SASH1: variants seen among roughly 807,000 people sequenced by gnomAD.
SASH1 encodes the protein SAM and SH3 domain containing 1, also known as SAM and SH3 domain-containing protein 1.
SASH1 carries 44 observed loss-of-function variants against 125.2 expected under a neutral mutation model. The observed-to-expected ratio is 0.35, with a 90% confidence interval of 0.28 to 0.45. SASH1 has a LOEUF of 0.45. Among genes scored for constraint, SASH1 ranks in the 20% least tolerant of loss-of-function variants. The pLI is 1.00. For missense variants in SASH1, 1,426 were observed against 1,614.5 expected (o/e 0.88, Z 2.00); for synonymous variants, 639 against 649.1 (o/e 0.98, Z 0.24).
chr6:148,376,896 C>A (rs1342801069), intron 1 of SASH1, among the ~76,000 whole-genome samples: 7 of 150,224 alleles, frequency 4.7e-5, no homozygotes, highest in Non-Finnish European at 7.4e-5. Flanking sequence ...CTCGGCCGGG[C>A]GCGGTGGCTC....
At chr6:148,467,248 C>T (rs60004784) in intron 4 of SASH1, among the ~76,000 whole-genome samples, 13,222 of 152,054 alleles carry the variant, frequency 0.087, 749 homozygotes, top group Non-Finnish European at 0.13. Context: ...AGGCCTGTGC[C>T]ACCACGCCTA....
chr6:148,335,113 C>T (rs1483206114), intron 1 of SASH1, among the ~76,000 whole-genome samples: 1 of 151,668 alleles, frequency 6.6e-6, no homozygotes, highest in Non-Finnish European at 1.5e-5. Context: ...GCCTGGCCAA[C>T]ATGGTGAAAC....
chr6:148,207,477 T>C, the SASH1 span, among the ~76,000 whole-genome samples: 66 of 152,300 alleles, frequency 4.3e-4, no homozygotes, highest in African/African-American at 1.6e-3. Flanking sequence ...TTCCCTCAGT[T>C]CTATTATGCC....
intron 1 of SASH1, among the ~76,000 whole-genome samples, chr6:148,298,633 T>G (rs1582931785): frequency 9.0e-6 from 1 of 110,624 alleles, no homozygotes. Context: ...GTGAGAGGGA[T>G]GAAAGAAGGA....
rs960117605 is a variant in SASH1 at position 148,550,837 on chromosome 6, A to G, written c.*2279A>G. ...TTGTTTAAGCTGAGCAAAAAACCAC[A>G]CAAAAGTTGTGTAAGAGATGAGATA... is the stretch of plus-strand genomic sequence containing the variant. On this transcript the variant is annotated 3_prime_UTR_variant, in exon 20 of 20. Coordinates refer to ENST00000367467, the MANE Select transcript of SASH1 (RefSeq NM_015278.5). 6 of 152,272 alleles carry G rather than the reference A, an allele frequency of 3.9e-5. No homozygotes were observed. The highest frequency in any genetic ancestry group is 7.2e-5 in the African/African-American group (3 of 41,470). 9.4% of individuals were successfully genotyped at this position (152,272 alleles called of 1,614,324 possible).
the SASH1 span, among the ~76,000 whole-genome samples, chr6:148,257,819 C>T: frequency 6.6e-6 from 1 of 151,956 alleles, no homozygotes; most frequent in African/African-American, 2.4e-5. Context: ...TTAGTAAAGA[C>T]GGGGTTTCAA....
chr6:148,308,274 G>GCT (rs1554232496), intron 1 of SASH1, among the ~76,000 whole-genome samples: 1 of 149,936 alleles, frequency 6.7e-6, no homozygotes. Flanking sequence ...TATTAAATCC[G>GCT]CCCCCCCCAA....
chr6:148,520,916 C>A lies in SASH1; in HGVS notation c.1209+1023C>A, dbSNP rs1194105218. Among the ~76,000 whole-genome samples, 5 of 152,238 alleles carry A rather than the reference C, an allele frequency of 3.3e-5. No homozygotes were observed. The East Asian group carries it at 9.6e-4, about 29-fold the overall frequency. The stretch of plus-strand genomic sequence containing the variant: ...GCAAGCAGAAAGTTCGTAAATCTAA[C>A]AACAAAAATGGGAGCTTTTTTGTTT... On this transcript the variant is annotated intron_variant, in intron 10 of 19. Coordinates refer to ENST00000367467, the MANE Select transcript of SASH1 (RefSeq NM_015278.5).
chr6:148,472,705 T>C (rs1462717484), intron 6 of SASH1, among the ~76,000 whole-genome samples: 2 of 152,166 alleles, frequency 1.3e-5, no homozygotes, highest in African/African-American at 4.8e-5. Flanking sequence ...AGGAGTATTT[T>C]TGGATTGATT....
In SASH1 at chr6:148,368,770, G is replaced by GCACGCGCACACACACACACACACACACA. The variant is rs1554245333; in HGVS notation, c.157-21361_157-21360insGCGCACACACACACACACACACACACAC. Among the ~76,000 whole-genome samples the GCACGCGCACACACACACACACACACACA allele has an allele frequency of 9.4e-4, 128 of 135,718 alleles. 1 individual carries two copies. The highest frequency in any genetic ancestry group is 6.5e-3 in the South Asian group (25 of 3,854). The allele number at this position is 135,718 out of a possible 152,430, so 89.0% of individuals were successfully genotyped here. A position where few individuals can be genotyped will look rare whatever the true frequency, so the allele number is the denominator to read the frequency against. Reference sequence around the variant, plus strand: ...CCCCCACATGCGCGCGCACGCGCGCGCACACACACACACACACACACACAC... The same window carrying GCACGCGCACACACACACACACACACACA: ...CCCCCACATGCGCGCGCACGCGCGCGCACGCGCACACACACACACACACACACACACACACACACACACACACACACAC... On this transcript the variant is annotated intron_variant, in intron 1 of 19. Coordinates refer to ENST00000367467, the MANE Select transcript of SASH1 (RefSeq NM_015278.5).
chr6:148,362,039 G>A (rs529059332), intron 1 of SASH1, among the ~76,000 whole-genome samples: 27 of 148,448 alleles, frequency 1.8e-4, no homozygotes, highest in East Asian at 4.0e-4. Context: ...TCAGCCTCCC[G>A]AGTAGCTGGG....
intron 1 of SASH1, among the ~76,000 whole-genome samples, chr6:148,273,713 T>C (rs1779117686): frequency 6.6e-6 from 1 of 152,236 alleles, no homozygotes; most frequent in African/African-American, 2.4e-5. Context: ...TGCTGACCCC[T>C]GCCTGGCCTG....
At chr6:148,214,775 G>A in the SASH1 span, among the ~76,000 whole-genome samples, 1 of 152,158 alleles carries the variant, frequency 6.6e-6, no homozygotes, top group Non-Finnish European at 1.5e-5. Flanking sequence ...TGTTGCCATA[G>A]TGCTTTGCAT....
intron 4 of SASH1, among the ~76,000 whole-genome samples, chr6:148,450,656 A>C (rs2115040190): frequency 6.6e-6 from 1 of 150,408 alleles, no homozygotes; most frequent in South Asian, 2.1e-4. Context: ...ATGTCTATGT[A>C]CTGGGTACTG....
At chr6:148,507,806 G>A (rs920089506) in intron 8 of SASH1, among the ~76,000 whole-genome samples, 1 of 152,126 alleles carries the variant, frequency 6.6e-6, no homozygotes, top group Non-Finnish European at 1.5e-5. Flanking sequence ...TATACATGAA[G>A]ACTCACCCAA....
rs373238752 is a variant in SASH1 at position 148,458,174 on chromosome 6, A to G, written c.387-10371A>G. 3.3e-5 allele frequency among the ~76,000 whole-genome samples: 5 copies of G among 152,304 alleles called. No homozygotes were observed. The East Asian group carries it at 7.7e-4, about 23-fold the overall frequency. On this transcript the variant is annotated intron_variant, in intron 4 of 19. Transcript: ENST00000367467. ...CCTCTCCTACTCTACCATCCTTAGT[A>G]TGGAACTTTCTTCCTTATGATAAAA...
chr6:148,308,940 C>G (rs182009966), intron 1 of SASH1, among the ~76,000 whole-genome samples: 4 of 151,372 alleles, frequency 2.6e-5, no homozygotes, highest in Non-Finnish European at 5.9e-5. Flanking sequence ...AAAAATTAGC[C>G]AGGGGTGGTG....
At position 148,360,267 on chromosome 6, in the gene SASH1, G is replaced by A. The variant is rs988167964; in HGVS notation, c.156+17044G>A. Among the ~76,000 whole-genome samples the A allele has an allele frequency of 2.0e-5, 3 of 151,072 alleles. No homozygotes were observed. The South Asian group carries it at 6.3e-4, about 32-fold the overall frequency. ...TAATTGATTTTTTCCCAAGGAGTTGGATTGGAGGTTGCATTTTTGTGTGAT... is the reference window on the plus strand; with the variant it reads ...TAATTGATTTTTTCCCAAGGAGTTGAATTGGAGGTTGCATTTTTGTGTGAT... On this transcript the variant is annotated intron_variant, in intron 1 of 19. Transcript: ENST00000367467.
chr6:148,343,848 G>A (rs1781428867), intron 1 of SASH1, among the ~76,000 whole-genome samples: 1 of 152,188 alleles, frequency 6.6e-6, no homozygotes, highest in African/African-American at 2.4e-5. Flanking sequence ...TGTATGGAGG[G>A]TGAAGTTTTA....
Sources: allele counts gnomAD v4.1 joint callset (sites outside exome capture counted in the v4.1 genomes callset), GRCh38; gene constraint gnomAD v4.1.1; transcripts MANE v1.5; gene names NCBI Gene and HGNC (gene_info 2026-07-23, HGNC 2026-07-21).